Variants in FSIP2 observed in about 807,000 individuals in gnomAD.
FSIP2 encodes the protein fibrous sheath interacting protein 2.
A neutral mutation model predicts 510.5 loss-of-function variants in FSIP2; 367 were observed. The observed-to-expected ratio is 0.72, with a 90% CI of 0.66 to 0.78. The LOEUF is 0.78. FSIP2 is among the 30% of genes least tolerant of loss of function. The pLI, the probability that FSIP2 is intolerant of heterozygous loss-of-function variation, is 0.00. For missense variants in FSIP2, 7,594 were observed against 7,901.7 expected, an observed-to-expected ratio of 0.96 and a Z score of 1.48; for synonymous variants, 2,601 against 2,732.2, an observed-to-expected ratio of 0.95 and a Z score of 1.50.
Position 185,781,059 on chromosome 2 carries a change from AT to A in FSIP2, c.1412-1633del, listed in dbSNP as rs61546803. ...ATTTCTCTGCTTCCTCTGTGGCATG[AT>A]TTTTTTTTTTTTGTAGATGACTAAT... is the stretch of plus-strand genomic sequence containing the variant. On this transcript the variant is annotated intron_variant, in intron 13 of 22. Transcript: ENST00000424728. Among the ~76,000 whole-genome samples the A allele has an allele frequency of 5.7e-4, 83 of 145,544 alleles. 1 individual carries two copies. The highest frequency in any genetic ancestry group is 9.6e-4 in the Admixed American group (14 of 14,620).
At chr2:185,756,158 AG>A in intron 8 of FSIP2, 33 bp from the exon 9 acceptor site, 4 of 853,026 alleles carry the variant, frequency 4.7e-6, no homozygotes, top group Non-Finnish European at 7.0e-6. Flanking sequence ...CATCATCATA[AG>A]TAAAAATAAA....
In FSIP2 at chr2:185,752,931, T is replaced by C. The variant is rs758312788; in HGVS notation, c.871-791T>C. Among the ~76,000 whole-genome samples the C allele has an allele frequency of 2.6e-5, 4 of 151,470 alleles. No homozygotes were observed. The South Asian group carries it at 8.3e-4, about 31-fold the overall frequency. ...TATAAATATTATTTAGCTTTTTTGATGTAGATAATTTATTTGGAAACAATT... is the reference window on the plus strand; with the variant it reads ...TATAAATATTATTTAGCTTTTTTGACGTAGATAATTTATTTGGAAACAATT... On this transcript the variant is annotated intron_variant, in intron 7 of 22. Coordinates refer to ENST00000424728, the MANE Select transcript of FSIP2 (RefSeq NM_173651.4).
chr2:185,796,845 A>G lies in FSIP2; in HGVS notation c.9709A>G (p.Thr3237Ala). ...TTCAGAAACTATGCCATCGTGTTCTACTAGAAACAAAGTACAAGACCACAG... is the reference window on the plus strand; with the variant it reads ...TTCAGAAACTATGCCATCGTGTTCTGCTAGAAACAAAGTACAAGACCACAG... ...PDSETMPSCS[T>A]RNKVQDHRPR... The change falls in exon 16 of 23, where the codon ACT becomes GCT. Residue 3237 changes from threonine to alanine, a missense_variant. Transcript: ENST00000424728. The G allele has an allele frequency of 1.3e-6, 2 of 1,535,186 alleles. No individual in the cohort carries two copies. The highest frequency in any genetic ancestry group is 1.7e-6 in the Non-Finnish European group (2 of 1,146,314).
intron 19 of FSIP2, among the ~76,000 whole-genome samples, chr2:185,816,305 A>G (rs1693825342): frequency 6.6e-6 from 1 of 151,330 alleles, no homozygotes; most frequent in East Asian, 2.0e-4. Flanking sequence ...TCTCCTACAT[A>G]ATAGGTTATT....
intron 13 of FSIP2, among the ~76,000 whole-genome samples, chr2:185,774,434 C>T (rs116233237): frequency 0.015 from 2,209 of 152,120 alleles, 40 homozygotes; most frequent in African/African-American, 0.05. Flanking sequence ...TATCTTTATC[C>T]CTTTGTGCAG....
chr2:185,828,144 T>TA lies in FSIP2; in HGVS notation c.20474-10dup. On this transcript the variant is annotated splice_polypyrimidine_tract_variant and intron_variant, in intron 20 of 22. Transcript: ENST00000424728. ...AGAGACTATTTTACTTTTTTTTTTT[T>TA]AATCTCTACAGAAAGTTCTCAGGAA... The TA allele has an allele frequency of 2.7e-6, 4 of 1,506,244 alleles. No individual in the cohort carries two copies. The highest frequency in any genetic ancestry group is 2.8e-6 in the Non-Finnish European group (3 of 1,090,008). The allele number at this position is 1,506,244 out of a possible 1,614,324, so 93.3% of individuals were successfully genotyped here.
At chr2:185,782,937 A>G (rs1559022546) in intron 14 of FSIP2, among the ~76,000 whole-genome samples, 175 bp downstream of exon 14, 1 of 152,156 alleles carries the variant, frequency 6.6e-6, no homozygotes, top group African/African-American at 2.4e-5. Context: ...GACAAAGTGA[A>G]TCATTGTCCT....
In FSIP2 at chr2:185,782,000, T is replaced by TA. The variant is rs576688533; in HGVS notation, c.1412-703dup. On this transcript the variant is annotated intron_variant, in intron 13 of 22. Coordinates refer to ENST00000424728, the MANE Select transcript of FSIP2 (RefSeq NM_173651.4). ...ACTACAGGCGCAGGCCGCGCCCGGC[T>TA]AATCTTTTTGTATTTTTAATAGAGA... is the stretch of plus-strand genomic sequence containing the variant. Among the ~76,000 whole-genome samples the TA allele has an allele frequency of 8.1e-3, 1,233 of 152,250 alleles. 13 individuals carry two copies. Among genetic ancestry groups the TA allele is most frequent in the Non-Finnish European group, 0.014 (938 of 68,018 alleles).
chr2:185,813,593 A>C lies in FSIP2; in HGVS notation c.19876A>C (p.Lys6626Gln). 6.4e-7 allele frequency: 1 copy of C among 1,561,768 alleles called. No individual in the cohort carries two copies. Among genetic ancestry groups the C allele is most frequent in the African/African-American group, 1.4e-5 (1 of 72,348 alleles). ...FQNIRKPDIT[K>Q]VELLKDVQSK... is the part of the protein sequence containing the mutation. Reference sequence around the variant, plus strand: ...GAATATAAGAAAGCCTGATATTACAAAGGTGGAGCTCTTAAAAGATGTTCA... The same window carrying C: ...GAATATAAGAAAGCCTGATATTACACAGGTGGAGCTCTTAAAAGATGTTCA... The change falls in exon 18 of 23, where the codon AAG becomes CAG. Residue 6626 changes from lysine to glutamine, a missense_variant. Transcript: ENST00000424728.
At chr2:185,809,291 T>C (rs1693672607) in intron 17 of FSIP2, among the ~76,000 whole-genome samples, 158 bp downstream of exon 17, 1 of 152,088 alleles carries the variant, frequency 6.6e-6, no homozygotes, top group Non-Finnish European at 1.5e-5. Flanking sequence ...CATACAGTCA[T>C]ATTATTTACT....
chr2:185,800,569 G>T lies in FSIP2; in HGVS notation c.11263G>T (p.Val3755Phe), dbSNP rs1419658796. The change falls in exon 17 of 23, where the codon GTT (valine) becomes TTT (phenylalanine). Residue 3755 changes from valine to phenylalanine, a missense_variant. Transcript: ENST00000424728. ...LSSKSVFLLNVVCEKLIRILL... is the reference protein window; with the variant it reads ...LSSKSVFLLNFVCEKLIRILL... ...CTCAAAATCAGTTTTTCTTCTCAAT[G>T]TTGTATGTGAGAAACTTATCAGAAT... The T allele has an allele frequency of 6.5e-7, 1 of 1,528,976 alleles. No individual in the cohort carries two copies. The highest frequency in any genetic ancestry group is 1.2e-5 in the South Asian group (1 of 82,902). 94.7% of individuals were successfully genotyped at this position (1,528,976 alleles called of 1,614,324 possible). A position where few individuals can be genotyped will look rare whatever the true frequency, so the allele number is the denominator to read the frequency against.
Position 185,801,219 on chromosome 2 carries a change from T to C in FSIP2, c.11913T>C (p.Tyr3971=), listed in dbSNP as rs1348801878. 3 of 1,534,336 alleles carry C rather than the reference T, an allele frequency of 2.0e-6. No individual in the cohort carries two copies. Among genetic ancestry groups the C allele is most frequent in the South Asian group, 2.4e-5 (2 of 84,028 alleles). Residue 3971 remains tyrosine (Y), a synonymous_variant, in exon 17 of 23, where the codon TAT becomes TAC. Transcript: ENST00000424728. ...LHQEGIYAGV[Y]SATFLEGIIS... ...AGGAAGGTATATATGCTGGTGTTTA[T>C]TCAGCCACATTTTTGGAAGGAATAA... is the stretch of plus-strand genomic sequence containing the variant.
In FSIP2 at chr2:185,824,428, T is replaced by G. The variant is rs1428274824; in HGVS notation, c.20427-6T>G. ...CCTAAATGATGTTCTTTTTCTTTTG[T>G]TTTAGTGAGGCTGAAGATTGTCACT... is the stretch of plus-strand genomic sequence containing the variant. On this transcript the variant is annotated splice_polypyrimidine_tract_variant and splice_region_variant and intron_variant, in intron 19 of 22. Transcript: ENST00000424728. The G allele has an allele frequency of 6.3e-7, 1 of 1,582,482 alleles. No homozygotes were observed. Among genetic ancestry groups the G allele is most frequent in the Non-Finnish European group, 8.6e-7 (1 of 1,160,700 alleles).
chr2:185,788,797 A>T lies in FSIP2; in HGVS notation c.1661A>T (p.Asp554Val), dbSNP rs1170257132. ...PVSDDSILSS[D>V]SSSFCSTCSE... The stretch of plus-strand genomic sequence containing the variant: ...TCTGATGACTCCATCCTCTCTTCAG[A>T]TAGTTCAAGTTTCTGTAGCACGTGC... The change falls in exon 16 of 23, where the codon GAT becomes GTT. Residue 554 changes from aspartate to valine, a missense_variant. Physicochemically the swap from Asp to Val is radical, Grantham distance 152 (BLOSUM62 -3). Transcript: ENST00000424728. 6.5e-7 allele frequency: 1 copy of T among 1,534,546 alleles called. No homozygotes were observed. The highest frequency in any genetic ancestry group is 1.4e-5 in the African/African-American group (1 of 72,938).
chr2:185,791,980 A>G lies in FSIP2; in HGVS notation c.4844A>G (p.Asn1615Ser), dbSNP rs1000530695. Residue 1615 changes from asparagine (N) to serine (S), a missense_variant, in exon 16 of 23, where the codon AAT (asparagine) becomes AGT (serine). By Grantham distance (46) the Asn-to-Ser change is conservative (BLOSUM62 1). Coordinates refer to ENST00000424728, the MANE Select transcript of FSIP2 (RefSeq NM_173651.4). ...GAINDGNKKS[N>S]KIGWEYESTN... ...ATTAATGATGGAAATAAGAAAAGCA[A>G]TAAGATAGGCTGGGAATATGAAAGC... is the stretch of plus-strand genomic sequence containing the variant. 4.6e-5 allele frequency: 70 copies of G among 1,533,800 alleles called. No homozygotes were observed. Among genetic ancestry groups the G allele is most frequent in the Non-Finnish European group, 5.1e-5 (58 of 1,145,374 alleles).
chr2:185,826,468 A>G (rs997615264), intron 20 of FSIP2, among the ~76,000 whole-genome samples: 13 of 151,774 alleles, frequency 8.6e-5, no homozygotes, highest in African/African-American at 2.7e-4. Flanking sequence ...TGCATTGTTC[A>G]TTCCTTACTT....
Position 185,775,443 on chromosome 2 carries a change from A to C in FSIP2, c.1412-7262A>C, listed in dbSNP as rs563545227. Among the ~76,000 whole-genome samples, 290 of 150,680 alleles carry C rather than the reference A, an allele frequency of 1.9e-3. 2 individuals are homozygous for C. The highest frequency in any genetic ancestry group is 4.6e-3 in the Admixed American group (70 of 15,174). ...TTGATGGGGTTGTTTTTTTCTTGTAAATTTGTTTGAGTTCATTGTAGATTC... is the reference window on the plus strand; with the variant it reads ...TTGATGGGGTTGTTTTTTTCTTGTACATTTGTTTGAGTTCATTGTAGATTC... On this transcript the variant is annotated intron_variant, in intron 13 of 22. Coordinates refer to ENST00000424728, the MANE Select transcript of FSIP2 (RefSeq NM_173651.4).
In FSIP2 at chr2:185,805,955, C is replaced by G; in HGVS notation, c.16649C>G (p.Thr5550Ser). The G allele has an allele frequency of 3.8e-6, 6 of 1,575,602 alleles. No individual in the cohort carries two copies. Among genetic ancestry groups the G allele is most frequent in the Non-Finnish European group, 4.3e-6 (5 of 1,167,144 alleles). The change falls in exon 17 of 23, where the codon ACT becomes AGT. Residue 5550 changes from threonine to serine, a missense_variant. Thr to Ser is a moderately conservative substitution (Grantham distance 58, BLOSUM62 1). Coordinates refer to ENST00000424728, the MANE Select transcript of FSIP2 (RefSeq NM_173651.4). ...TSTTTVKSKD[T>S]QEPNLSETFN... ...ACTACCACTGTGAAAAGTAAAGATA[C>G]TCAGGAGCCAAATTTGAGTGAAACA...
chr2:185,764,713 C>A, intron 13 of FSIP2, 148 bp downstream of exon 13: 2 of 589,368 alleles, frequency 3.4e-6, no homozygotes, highest in South Asian at 2.1e-5. Context: ...AGGGTTCTTA[C>A]AGTATACTTG....
Sources: gnomAD v4.1 joint callset for allele counts (sites outside exome capture counted in the v4.1 genomes callset) on GRCh38, gnomAD v4.1.1 for gene constraint, MANE v1.5 for transcripts, NCBI Gene and HGNC (gene_info 2026-07-23, HGNC 2026-07-21) for gene names.